ERBB4: variants seen among roughly 807,000 people sequenced by gnomAD.
ERBB4 encodes the protein receptor tyrosine-protein kinase erbB-4.
Under a neutral mutation model 158.0 loss-of-function variants are expected in ERBB4, and 42 were observed. That is an observed-to-expected ratio of 0.27 (90% CI 0.21 to 0.34). The LOEUF (loss-of-function observed/expected upper bound fraction) is 0.34. Ranked by LOEUF, ERBB4 falls within the 10% of genes least tolerant of loss-of-function variation. The pLI is 1.00. For synonymous variants in ERBB4, 583 were observed against 558.7 expected, an observed-to-expected ratio of 1.04 and a Z score of -0.61; for missense variants, 1,333 against 1,624.1, an observed-to-expected ratio of 0.82 and a Z score of 3.08.
chr2:211,944,204 A>AATAGTATATATATAG (rs796700572), intron 3 of ERBB4, among the ~76,000 whole-genome samples: 1 of 28,160 alleles, frequency 3.6e-5, no homozygotes, highest in Non-Finnish European at 1.1e-4. Flanking sequence ...TATATACTAT[A>AATAGTATATATATAG]TATATATATA....
At chr2:212,333,553 A>T (rs1015008013) in intron 1 of ERBB4, among the ~76,000 whole-genome samples, 25 of 138,680 alleles carry the variant, frequency 1.8e-4, no homozygotes, top group African/African-American at 6.1e-4. Flanking sequence ...TTAACCAGAC[A>T]TGGTGTCATG....
At chr2:211,547,808 A>G (rs2066982190) in intron 20 of ERBB4, among the ~76,000 whole-genome samples, 1 of 152,106 alleles carries the variant, frequency 6.6e-6, no homozygotes. Context: ...ATAAATTCAC[A>G]GTAAAGAAAT....
At chr2:211,910,738 C>A (rs74748877) in intron 3 of ERBB4, among the ~76,000 whole-genome samples, 14,187 of 151,950 alleles carry the variant, frequency 0.093, 773 homozygotes, top group African/African-American at 0.14. Flanking sequence ...TTTTAAAAAA[C>A]CGTTATATTC....
intron 1 of ERBB4, among the ~76,000 whole-genome samples, chr2:212,509,062 C>T (rs1220175241): frequency 6.6e-6 from 1 of 152,058 alleles, no homozygotes; most frequent in African/African-American, 2.4e-5. Flanking sequence ...GTTCCTTCTT[C>T]TTAAAGTTTC....
At chr2:212,420,339 T>C (rs1444780323) in intron 1 of ERBB4, among the ~76,000 whole-genome samples, 1 of 152,044 alleles carries the variant, frequency 6.6e-6, no homozygotes, top group African/African-American at 2.4e-5. Context: ...ACAGTTATGC[T>C]CAGGAATGGC....
intron 1 of ERBB4, among the ~76,000 whole-genome samples, chr2:212,401,898 G>A (rs2091216747): frequency 6.6e-6 from 1 of 152,116 alleles, no homozygotes; most frequent in African/African-American, 2.4e-5. Flanking sequence ...GGGATGTAGA[G>A]TGACTGGAAC....
chr2:212,224,829 G>GT lies in ERBB4; in HGVS notation c.83-99927dup, dbSNP rs200229173. Among the ~76,000 whole-genome samples, 738 of 151,708 alleles carry GT rather than the reference G, an allele frequency of 4.9e-3. 7 individuals are homozygous for GT. The highest frequency in any genetic ancestry group is 0.017 in the Middle Eastern group (5 of 294). On this transcript the variant is annotated intron_variant, in intron 1 of 27. Coordinates refer to ENST00000342788, the MANE Select transcript of ERBB4 (RefSeq NM_005235.3). Reference sequence around the variant, plus strand: ...AACTGAAAATTTACTGTCTGAACAAGTTTTTTTTAAATTTGAAATATTTTG... The same window carrying GT: ...AACTGAAAATTTACTGTCTGAACAAGTTTTTTTTTAAATTTGAAATATTTTG...
chr2:211,681,427 G>T (rs529588130), intron 12 of ERBB4, among the ~76,000 whole-genome samples: 1 of 152,242 alleles, frequency 6.6e-6, no homozygotes, highest in South Asian at 2.1e-4. Context: ...AACTTTTTAA[G>T]AAACTGTCAA....
At chr2:212,528,972 G>T (rs1449612905) in intron 1 of ERBB4, among the ~76,000 whole-genome samples, 2 of 152,106 alleles carry the variant, frequency 1.3e-5, no homozygotes, top group East Asian at 1.9e-4. Context: ...AATAGAAAAT[G>T]CCAGATTCTA....
intron 2 of ERBB4, among the ~76,000 whole-genome samples, chr2:212,061,209 C>T (rs1408566274): frequency 6.6e-6 from 1 of 151,548 alleles, no homozygotes; most frequent in Non-Finnish European, 1.5e-5. Context: ...GTAATGCCAG[C>T]ATTTTGGGAG....
intron 3 of ERBB4, among the ~76,000 whole-genome samples, chr2:211,845,726 T>C (rs2077572283): frequency 6.6e-6 from 1 of 152,200 alleles, no homozygotes; most frequent in South Asian, 2.1e-4. Context: ...ATTTTATGTT[T>C]GGCTATTTGT....
At chr2:212,512,839 C>T (rs1352668263) in intron 1 of ERBB4, among the ~76,000 whole-genome samples, 1 of 152,110 alleles carries the variant, frequency 6.6e-6, no homozygotes, top group Non-Finnish European at 1.5e-5. Context: ...AAGCCCCTAG[C>T]AGAACATGAA....
chr2:212,420,598 G>T (rs894122593), intron 1 of ERBB4, among the ~76,000 whole-genome samples: 2 of 152,038 alleles, frequency 1.3e-5, no homozygotes, highest in African/African-American at 4.8e-5. Flanking sequence ...TTTCAGAAAA[G>T]GTTTTTGCTT....
chr2:212,246,172 G>A (rs953391118), intron 1 of ERBB4, among the ~76,000 whole-genome samples: 6 of 152,152 alleles, frequency 3.9e-5, no homozygotes, highest in African/African-American at 9.7e-5. Context: ...GACAGTTCAC[G>A]TGTATCTCCA....
At chr2:211,514,647 T>C (rs532978357) in intron 20 of ERBB4, among the ~76,000 whole-genome samples, 1 of 152,234 alleles carries the variant, frequency 6.6e-6, no homozygotes, top group South Asian at 2.1e-4. Context: ...TATATATTAT[T>C]TTTACCTCCA....
At chr2:212,529,187 C>CT (rs1692611681) in intron 1 of ERBB4, among the ~76,000 whole-genome samples, 2 of 152,210 alleles carry the variant, frequency 1.3e-5, no homozygotes, top group Non-Finnish European at 2.9e-5. Context: ...GAAATACACA[C>CT]TGGTGGATCA....
intron 2 of ERBB4, chr2:212,124,500 C>T (rs745716736): frequency 2.0e-6 from 1 of 500,314 alleles, no homozygotes. Context: ...TCATGTACTA[C>T]ATGGTGACAG....
At chr2:212,504,795 C>A (rs1476168781) in intron 1 of ERBB4, among the ~76,000 whole-genome samples, 1 of 151,990 alleles carries the variant, frequency 6.6e-6, no homozygotes, top group African/African-American at 2.4e-5. Flanking sequence ...GTTGTGTTTG[C>A]ATATGATTTA....
chr2:212,115,489 A>C (rs1334289802), intron 2 of ERBB4, among the ~76,000 whole-genome samples: 1 of 152,240 alleles, frequency 6.6e-6, no homozygotes, highest in African/African-American at 2.4e-5. Context: ...GCTCATTGCC[A>C]ATATACTTCT....
Sources: gnomAD v4.1 joint callset for allele counts (sites outside exome capture counted in the v4.1 genomes callset) on GRCh38, gnomAD v4.1.1 for gene constraint, MANE v1.5 for transcripts, NCBI Gene and HGNC (gene_info 2026-07-23, HGNC 2026-07-21) for gene names.